The following BRINP3 variants were observed in gnomAD, a reference collection of about 807,000 sequenced individuals.
The protein encoded by BRINP3 is BMP/retinoic acid-inducible neural-specific protein 3.
In BRINP3, 19 loss-of-function variants were observed where a neutral mutation model predicts 71.0. The observed-to-expected ratio is 0.27, with a 90% CI of 0.19 to 0.39. The LOEUF (loss-of-function observed/expected upper bound fraction) is 0.39, where lower values mean the gene tolerates loss of function less well. Ranked by LOEUF, BRINP3 falls within the 10% of genes least tolerant of loss-of-function variation. The pLI is 1.00. For missense variants in BRINP3, 959 were observed against 940.8 expected (o/e 1.02, Z -0.25); for synonymous variants, 380 against 337.7 (o/e 1.13, Z -1.37).
chr1:190,431,227 G>A (rs965686602), intron 2 of BRINP3, among the ~76,000 whole-genome samples: 3 of 152,034 alleles, frequency 2.0e-5, no homozygotes, highest in Admixed American at 6.6e-5. Context: ...TTAATTAATT[G>A]ATTGTAAATG....
intron 6 of BRINP3, among the ~76,000 whole-genome samples, chr1:190,189,754 C>T (rs1471973958): frequency 6.6e-6 from 1 of 151,984 alleles, no homozygotes; most frequent in African/African-American, 2.4e-5. Context: ...TTTATAATTA[C>T]CATTTCTTTA....
At chr1:190,225,458 C>T (rs975892817) in intron 6 of BRINP3, among the ~76,000 whole-genome samples, 9 of 151,668 alleles carry the variant, frequency 5.9e-5, no homozygotes, top group Non-Finnish European at 8.8e-5. Context: ...GAGAGTAGAA[C>T]GGTGGTTTCC....
chr1:190,348,632 G>C (rs143813917), intron 2 of BRINP3, among the ~76,000 whole-genome samples: 326 of 152,150 alleles, frequency 2.1e-3, no homozygotes, highest in African/African-American at 7.3e-3. Flanking sequence ...TGATCTAAAT[G>C]ACCCTGGAAA....
chr1:190,322,226 G>A (rs1666291862), intron 2 of BRINP3, among the ~76,000 whole-genome samples: 1 of 152,002 alleles, frequency 6.6e-6, no homozygotes, highest in African/African-American at 2.4e-5. Flanking sequence ...TATCTCTAGA[G>A]ACAAGTTCAG....
At chr1:190,309,016 T>G (rs1463745772) in intron 2 of BRINP3, among the ~76,000 whole-genome samples, 3 of 151,888 alleles carry the variant, frequency 2.0e-5, no homozygotes, top group Non-Finnish European at 4.4e-5. Context: ...CAGCATAATT[T>G]ACAATATCTC....
At chr1:190,229,328 C>T (rs1206699798) in intron 5 of BRINP3, among the ~76,000 whole-genome samples, 1 of 151,948 alleles carries the variant, frequency 6.6e-6, no homozygotes, top group Non-Finnish European at 1.5e-5. Context: ...ACCTCCCCTG[C>T]ACAAACTCTC....
chr1:190,455,390 T>C (rs1375512456), intron 1 of BRINP3, among the ~76,000 whole-genome samples: 10 of 152,168 alleles, frequency 6.6e-5, no homozygotes, highest in Non-Finnish European at 1.5e-4. Flanking sequence ...CATGTAGTTA[T>C]TTCCATAATC....
intron 2 of BRINP3, among the ~76,000 whole-genome samples, chr1:190,365,347 T>C (rs943772242): frequency 5.6e-4 from 85 of 151,882 alleles, no homozygotes; most frequent in Non-Finnish European, 1.1e-3. Context: ...CATATAAGCA[T>C]TGATTTTACT....
intron 7 of BRINP3, among the ~76,000 whole-genome samples, chr1:190,105,858 CA>C (rs1652113840): frequency 6.6e-6 from 1 of 151,822 alleles, no homozygotes; most frequent in African/African-American, 2.4e-5. Flanking sequence ...AGAAACACAT[CA>C]ACTTTTAAAG....
At position 190,401,648 on chromosome 1, in the gene BRINP3, T is replaced by C. The variant is rs577699723; in HGVS notation, c.236+53007A>G. ...GATGAACAAGATCTCCAGGACTTTC[T>C]CAAGTCCATCAAAGTGTGAGAAGCA... On this transcript the variant is annotated intron_variant, in intron 2 of 7. Transcript: ENST00000367462. Among the ~76,000 whole-genome samples the C allele has an allele frequency of 8.6e-3, 1,308 of 152,140 alleles. 15 individuals carry two copies. Among genetic ancestry groups the C allele is most frequent in the African/African-American group, 0.029 (1,196 of 41,486 alleles).
chr1:190,311,705 A>G (rs1334265583), intron 2 of BRINP3, among the ~76,000 whole-genome samples: 4 of 151,392 alleles, frequency 2.6e-5, no homozygotes, highest in Admixed American at 2.0e-4. Flanking sequence ...TTCCTATATG[A>G]AAAGAAGTTG....
intron 2 of BRINP3, among the ~76,000 whole-genome samples, chr1:190,333,448 A>G (rs1251614321): frequency 1.3e-5 from 2 of 152,076 alleles, no homozygotes; most frequent in Non-Finnish European, 2.9e-5. Context: ...AAATCAAAAT[A>G]AAGTTAATAG....
chr1:190,301,206 T>C (rs1047673652), intron 2 of BRINP3, among the ~76,000 whole-genome samples: 68 of 15,614 alleles, frequency 4.4e-3, no homozygotes, highest in African/African-American at 0.012. Context: ...TACACATACA[T>C]ATATATATAT....
At chr1:190,380,196 C>T (rs1003475372) in intron 2 of BRINP3, among the ~76,000 whole-genome samples, 1 of 151,656 alleles carries the variant, frequency 6.6e-6, no homozygotes. Flanking sequence ...GATATGAGGA[C>T]GGAGCAAAAT....
chr1:190,193,282 T>A, intron 6 of BRINP3, among the ~76,000 whole-genome samples: 1 of 151,892 alleles, frequency 6.6e-6, no homozygotes, highest in South Asian at 2.1e-4. Context: ...AAGAACAAGA[T>A]GATGTTTTAG....
intron 2 of BRINP3, among the ~76,000 whole-genome samples, chr1:190,399,202 G>T (rs534671880): frequency 6.6e-6 from 1 of 151,892 alleles, no homozygotes; most frequent in Admixed American, 6.6e-5. Flanking sequence ...GTCACTTAAT[G>T]TTTTTAATTA....
chr1:190,240,678 C>T (rs1242667325), intron 4 of BRINP3, among the ~76,000 whole-genome samples: 1 of 151,676 alleles, frequency 6.6e-6, no homozygotes, highest in Non-Finnish European at 1.5e-5. Flanking sequence ...TGAGACCAGC[C>T]TGATCAACAA....
At chr1:190,165,626 T>C (rs1156990514) in intron 6 of BRINP3, among the ~76,000 whole-genome samples, 1 of 151,810 alleles carries the variant, frequency 6.6e-6, no homozygotes, top group Admixed American at 6.6e-5. Context: ...AAGCTATTTC[T>C]TGTTTCTTGA....
rs1216759746 is a variant in BRINP3, at chr1:190,097,914, G to A, written c.*104C>T. 1 of 1,234,658 alleles carries A rather than the reference G, an allele frequency of 8.1e-7. No homozygotes were observed. Among genetic ancestry groups the A allele is most frequent in the African/African-American group, 1.5e-5 (1 of 66,126 alleles). 76.5% of individuals were successfully genotyped at this position (1,234,658 alleles called of 1,614,324 possible). On this transcript the variant is annotated 3_prime_UTR_variant, in exon 8 of 8. Coordinates refer to ENST00000367462, the MANE Select transcript of BRINP3 (RefSeq NM_199051.3). The stretch of plus-strand genomic sequence containing the variant: ...CAATGTTATTGACTGATATAAGACA[G>A]ATATTGAAAAGACAATTTAAATTTA...
Sources: gnomAD v4.1 joint callset for allele counts (sites outside exome capture counted in the v4.1 genomes callset) on GRCh38, gnomAD v4.1.1 for gene constraint, MANE v1.5 for transcripts, NCBI Gene and HGNC (gene_info 2026-07-23, HGNC 2026-07-21) for gene names.